Variants in TNKS observed in about 807,000 individuals in gnomAD.
TNKS encodes poly [ADP-ribose] polymerase tankyrase-1.
A neutral mutation model predicts 135.8 loss-of-function variants in TNKS; 72 were observed. The observed-to-expected ratio is 0.53, with a 90% CI of 0.44 to 0.64. TNKS has a LOEUF of 0.64. TNKS is among the 30% of genes least tolerant of loss of function. The pLI, the probability that TNKS is intolerant of heterozygous loss-of-function variation, is 0.00. For synonymous variants in TNKS, 849 were observed against 649.3 expected (o/e 1.31, Z -4.68); for missense variants, 1,769 against 1,674.0 (o/e 1.06, Z -0.99).
At chr8:9,603,087 T>G (rs1009075436) in intron 2 of TNKS, among the ~76,000 whole-genome samples, 1 of 152,068 alleles carries the variant, frequency 6.6e-6, no homozygotes, top group Non-Finnish European at 1.5e-5. Flanking sequence ...GAGTCTCGCT[T>G]TATCGCCCAG....
Position 9,556,340 on chromosome 8 carries a change from C to T in TNKS, c.401C>T (p.Ser134Phe), listed in dbSNP as rs913390230. The T allele has an allele frequency of 3.1e-5, 50 of 1,614,140 alleles. No individual in the cohort carries two copies. The highest frequency in any genetic ancestry group is 4.0e-5 in the Non-Finnish European group (47 of 1,180,058). ...AACAATTCACCGTCGTCCTCTTCTT[C>T]CCCGACTTCTTCCTCATCTTCCTCT... ...GSNNSPSSSS[S>F]PTSSSSSSPS... The change falls in exon 1 of 27, where the codon TCC (serine) becomes TTC (phenylalanine). Residue 134 changes from serine to phenylalanine, a missense_variant. Ser to Phe is a radical substitution (Grantham distance 155). This residue lies in a region of TNKS where 450 missense variants were observed against 304.9 expected (regional missense o/e 1.48). Coordinates refer to ENST00000310430, the MANE Select transcript of TNKS (RefSeq NM_003747.3).
intron 26 of TNKS, 64 bp downstream of exon 26, chr8:9,770,326 T>C (rs1303950849): frequency 7.3e-6 from 11 of 1,500,404 alleles, no homozygotes; most frequent in Non-Finnish European, 9.9e-6. Context: ...ACAGAGACCG[T>C]GTAAGACTTG....
intron 18 of TNKS, among the ~76,000 whole-genome samples, chr8:9,750,917 A>AACTTCTGTAC (rs1806491369): frequency 6.6e-6 from 1 of 152,230 alleles, no homozygotes; most frequent in African/African-American, 2.4e-5. Context: ...GTCTAGCCCA[A>AACTTCTGTAC]ACTTCTGTAC....
chr8:9,701,183 C>T (rs550165932), intron 5 of TNKS, among the ~76,000 whole-genome samples: 11 of 152,190 alleles, frequency 7.2e-5, no homozygotes, highest in South Asian at 6.2e-4. Flanking sequence ...GTGATCCGCC[C>T]GCCTCAGCCT....
intron 5 of TNKS, among the ~76,000 whole-genome samples, chr8:9,689,200 C>T (rs1381779973): frequency 6.6e-6 from 1 of 152,156 alleles, no homozygotes; most frequent in Non-Finnish European, 1.5e-5. Context: ...CTGTCTCACA[C>T]ATATGCATAT....
intron 3 of TNKS, among the ~76,000 whole-genome samples, chr8:9,647,021 G>C (rs1182422038): frequency 6.6e-5 from 10 of 152,238 alleles, no homozygotes. Flanking sequence ...ACGTGGATCA[G>C]ATTTGCAAAA....
chr8:9,736,519 G>A (rs1805713836), intron 17 of TNKS, among the ~76,000 whole-genome samples: 1 of 150,686 alleles, frequency 6.6e-6, no homozygotes, highest in Non-Finnish European at 1.5e-5. Flanking sequence ...TTCTTCTAGG[G>A]TTTTTATGGT....
chr8:9,604,495 A>G (rs562625318), intron 2 of TNKS, among the ~76,000 whole-genome samples: 4 of 152,204 alleles, frequency 2.6e-5, no homozygotes, highest in African/African-American at 9.6e-5. Context: ...TCTGCCTAAC[A>G]TATATAACGT....
chr8:9,562,377 C>T (rs58238328), intron 1 of TNKS, among the ~76,000 whole-genome samples: 42,781 of 151,882 alleles, frequency 0.28, 6,332 homozygotes, highest in East Asian at 0.39. Flanking sequence ...TTCTCTGACT[C>T]ATCACCTGGA....
intron 2 of TNKS, among the ~76,000 whole-genome samples, chr8:9,611,245 A>T (rs1197559533): frequency 6.6e-6 from 1 of 152,200 alleles, no homozygotes; most frequent in Non-Finnish European, 1.5e-5. Context: ...GAGGTTTAAT[A>T]ATGTCCCAGT....
chr8:9,615,825 A>C (rs1799625752), intron 3 of TNKS, 148 bp downstream of exon 3: 1 of 614,290 alleles, frequency 1.6e-6, no homozygotes, highest in East Asian at 2.9e-5. Flanking sequence ...TTGATTTGAT[A>C]TCTGTCTCAT....
rs569957979 is a variant in TNKS, at chr8:9,586,198, C to A, written c.898+5815C>A. Reference sequence around the variant, plus strand: ...GATACTTTTATATTTACTGAAAATGCAAGAAAAAATAGAGATCTGATGGTA... The same window carrying A: ...GATACTTTTATATTTACTGAAAATGAAAGAAAAAATAGAGATCTGATGGTA... On this transcript the variant is annotated intron_variant, in intron 2 of 26. Transcript: ENST00000310430. 1.8e-3 allele frequency among the ~76,000 whole-genome samples: 281 copies of A among 152,008 alleles called. 1 individual carries two copies. Among genetic ancestry groups the A allele is most frequent in the African/African-American group, 6.1e-3 (255 of 41,482 alleles).
chr8:9,593,326 C>T (rs182932221), intron 2 of TNKS, among the ~76,000 whole-genome samples: 16 of 152,244 alleles, frequency 1.1e-4, no homozygotes, highest in Non-Finnish European at 2.1e-4. Context: ...TGTTACTTTG[C>T]CACAGTCTGT....
intron 2 of TNKS, among the ~76,000 whole-genome samples, chr8:9,600,663 G>T (rs1476159656): frequency 1.3e-5 from 2 of 151,714 alleles, no homozygotes; most frequent in African/African-American, 2.4e-5. Flanking sequence ...TCCCACTGAC[G>T]TACTTGGAAA....
chr8:9,575,536 A>G, intron 1 of TNKS: 4 of 513,368 alleles, frequency 7.8e-6, no homozygotes, highest in Non-Finnish European at 1.0e-5. Context: ...GTTACAAGTT[A>G]TTTAAATATC....
intron 14 of TNKS, among the ~76,000 whole-genome samples, chr8:9,731,834 C>G (rs1427961867): frequency 6.6e-6 from 1 of 152,186 alleles, no homozygotes; most frequent in Non-Finnish European, 1.5e-5. Context: ...GTCGCCCAGG[C>G]TGGAGTGCAG....
At chr8:9,722,274 T>A (rs1299455320) in intron 12 of TNKS, 1 of 152,112 alleles carries the variant, frequency 6.6e-6, no homozygotes, top group Non-Finnish European at 1.5e-5. Flanking sequence ...GGGACCCTTC[T>A]AGGGCTTGTA....
At chr8:9,774,163 T>C (rs1808098831) in intron 26 of TNKS, among the ~76,000 whole-genome samples, 1 of 152,236 alleles carries the variant, frequency 6.6e-6, no homozygotes, top group African/African-American at 2.4e-5. Flanking sequence ...GTTTATGTTG[T>C]ACTTTAAACT....
intron 2 of TNKS, among the ~76,000 whole-genome samples, chr8:9,583,339 T>A (rs1798243791): frequency 6.6e-6 from 1 of 152,158 alleles, no homozygotes; most frequent in South Asian, 2.1e-4. Flanking sequence ...GGAATGTTGA[T>A]GACAGTTTTT....
Sources: gnomAD v4.1 joint callset for allele counts (sites outside exome capture counted in the v4.1 genomes callset) on GRCh38, gnomAD v4.1.1 for gene constraint, gnomAD v4.1.1 regional missense constraint, MANE v1.5 for transcripts, NCBI Gene and HGNC (gene_info 2026-07-23, HGNC 2026-07-21) for gene names.